Variants in BUD31 observed in about 807,000 individuals in gnomAD.
BUD31 encodes the protein BUD31 spliceosome associated protein, also known as protein BUD31 homolog.
BUD31 carries 9 observed loss-of-function variants against 17.9 expected under a neutral mutation model. The observed-to-expected ratio is 0.50, with a 90% CI of 0.30 to 0.88. The LOEUF is 0.88. Among genes scored for constraint, BUD31 ranks in the 40% least tolerant of loss-of-function variants. The pLI, the probability that BUD31 is intolerant of heterozygous loss-of-function variation, is 0.06. For synonymous variants in BUD31, 70 were observed against 64.7 expected (o/e 1.08, Z -0.39); for missense variants, 148 against 184.5 (o/e 0.80, Z 1.15).
intron 1 of BUD31, 145 bp downstream of exon 1, chr7:99,409,390 C>T (rs1351183013): frequency 6.6e-6 from 1 of 152,306 alleles, no homozygotes; most frequent in Non-Finnish European, 1.5e-5. Context: ...TCTTACACCT[C>T]CCGGCACATC....
At chr7:99,419,031 C>G (rs941728596) in intron 5 of BUD31, 1 of 281,860 alleles carries the variant, frequency 3.5e-6, no homozygotes, top group Non-Finnish European at 6.9e-6. Context: ...AGAGGCCCCC[C>G]TGAAGTCCCC....
In BUD31 at chr7:99,419,468, G is replaced by A. The variant is rs1795698321; in HGVS notation, c.*27G>A. ...GCTGGCGCGCTCCACCCTGGACTCT[G>A]GACTTCGCAGGTTCCTGCCTGTCAC... On this transcript the variant is annotated 3_prime_UTR_variant, in exon 6 of 6. Transcript: ENST00000222969. 6.2e-7 allele frequency: 1 copy of A among 1,608,776 alleles called. No homozygotes were observed.
At chr7:99,410,772 C>G (rs17161726) in intron 2 of BUD31, among the ~76,000 whole-genome samples, 11,493 of 152,246 alleles carry the variant, frequency 0.075, 635 homozygotes, top group African/African-American at 0.16. Context: ...CATTATACAC[C>G]AGGCATGATA....
chr7:99,419,104 G>T (rs558811726), intron 5 of BUD31: 5 of 483,412 alleles, frequency 1.0e-5, no homozygotes, highest in Non-Finnish European at 1.9e-5. Context: ...GCAGAATAAC[G>T]AGACTCATTC....
chr7:99,417,065 C>CTT (rs1003967626), intron 4 of BUD31: 38 of 208,970 alleles, frequency 1.8e-4, no homozygotes, highest in South Asian at 4.5e-4. Context: ...TACTGAATGC[C>CTT]TTTTTTTTTT....
In BUD31 at chr7:99,413,343, C is replaced by T. The variant is rs180872081; in HGVS notation, c.94+2157C>T. 6.8e-4 allele frequency among the ~76,000 whole-genome samples: 103 copies of T among 152,280 alleles called. 2 individuals are homozygous for T. The highest frequency in any genetic ancestry group is 2.2e-3 in the Admixed American group (34 of 15,296). ...TGCCTTGCGGCAAGTATGAGTGCCA[C>T]CTGATCCTGCGTGTGTTGAAGGAGC... On this transcript the variant is annotated intron_variant, in intron 3 of 5. Coordinates refer to ENST00000222969, the MANE Select transcript of BUD31 (RefSeq NM_003910.4).
intron 5 of BUD31, chr7:99,418,986 T>C: frequency 4.4e-6 from 1 of 228,620 alleles, no homozygotes; most frequent in Non-Finnish European, 8.8e-6. Flanking sequence ...GTGCATAGTC[T>C]CCTGCCCTCT....
At chr7:99,409,553 C>T (rs1380213946) in intron 1 of BUD31, among the ~76,000 whole-genome samples, 1 of 152,138 alleles carries the variant, frequency 6.6e-6, no homozygotes, top group South Asian at 2.1e-4. Flanking sequence ...ATTCTCTTGT[C>T]ACAGACTATG....
rs1167963550 is a variant in BUD31, at chr7:99,417,949, A to G, written c.384+354A>G. 4.9e-6 allele frequency: 6 copies of G among 1,226,738 alleles called. No homozygotes were observed. The Admixed American group carries it at 2.3e-4, about 46-fold the overall frequency. 76.0% of individuals were successfully genotyped at this position (1,226,738 alleles called of 1,614,324 possible). On this transcript the variant is annotated intron_variant, in intron 5 of 5. Transcript: ENST00000222969. Reference sequence around the variant, plus strand: ...TGTCCCTTTCAGTCCTCACAGTGATACTTTAACATTACCATCACTATCTTT... The same window carrying G: ...TGTCCCTTTCAGTCCTCACAGTGATGCTTTAACATTACCATCACTATCTTT...
intron 3 of BUD31, among the ~76,000 whole-genome samples, chr7:99,414,238 C>G (rs1489916527): frequency 6.6e-6 from 1 of 151,056 alleles, no homozygotes; most frequent in African/African-American, 2.4e-5. Flanking sequence ...CTCCCGAGTT[C>G]AGGCAATTCT....
At chr7:99,414,461 G>A (rs779010913) in intron 3 of BUD31, among the ~76,000 whole-genome samples, 2 of 152,174 alleles carry the variant, frequency 1.3e-5, no homozygotes, top group Non-Finnish European at 2.9e-5. Flanking sequence ...ATCATATACT[G>A]TAAAAGTGAA....
chr7:99,415,896 TATTC>T (rs1463024376), intron 3 of BUD31, among the ~76,000 whole-genome samples: 1 of 152,190 alleles, frequency 6.6e-6, no homozygotes, highest in African/African-American at 2.4e-5. Flanking sequence ...GGATTAATGA[TATTC>T]ATATATAATC....
chr7:99,419,520 C>G lies in BUD31; in HGVS notation c.*79C>G, dbSNP rs528799558. 3.9e-6 allele frequency: 6 copies of G among 1,538,300 alleles called. No homozygotes were observed. In the East Asian group the frequency reaches 9.0e-5, roughly 23 times the overall value. ...CCACCCCCTTCCTGGGAGCAGCGAG[C>G]AGTGCCCCAGGCCCGAGTTGGAGCA... is the stretch of plus-strand genomic sequence containing the variant. On this transcript the variant is annotated 3_prime_UTR_variant, in exon 6 of 6. Coordinates refer to ENST00000222969, the MANE Select transcript of BUD31 (RefSeq NM_003910.4).
rs1441048402 is a variant in BUD31 at position 99,410,176 on chromosome 7, T to C, written c.-30+7T>C. On this transcript the variant is annotated splice_region_variant and intron_variant, in intron 2 of 5. Coordinates refer to ENST00000222969, the MANE Select transcript of BUD31 (RefSeq NM_003910.4). Reference sequence around the variant, plus strand: ...TTGGAAAGCACATCCTAAGGTACTTTGATTTTACAGTCATCTTTCCCTTTT... The same window carrying C: ...TTGGAAAGCACATCCTAAGGTACTTCGATTTTACAGTCATCTTTCCCTTTT... The C allele has an allele frequency of 6.6e-6, 1 of 152,158 alleles. No homozygotes were observed. The highest frequency in any genetic ancestry group is 1.5e-5 in the Non-Finnish European group (1 of 68,050). 9.4% of individuals were successfully genotyped at this position (152,158 alleles called of 1,614,324 possible). A position where few individuals can be genotyped will look rare whatever the true frequency, so the allele number is the denominator to read the frequency against.
At chr7:99,417,119 C>T (rs1049027532) in intron 4 of BUD31, 3 of 279,864 alleles carry the variant, frequency 1.1e-5, no homozygotes, top group Non-Finnish European at 2.1e-5. Flanking sequence ...TCCAGTGGCA[C>T]GACCTCAGGT....
intron 3 of BUD31, among the ~76,000 whole-genome samples, chr7:99,412,293 G>A (rs974905551): frequency 3.3e-5 from 5 of 152,196 alleles, no homozygotes; most frequent in Non-Finnish European, 5.9e-5. Context: ...GAGCATGCTG[G>A]AATAGAAGAG....
At position 99,416,278 on chromosome 7, in the gene BUD31, C is replaced by T; in HGVS notation, c.217+18C>T. ...CAGCAGAGGTAATTAGTCAGTCTCT[C>T]TTGGACTTTGAAGCTCGCGTCACTT... On this transcript the variant is annotated intron_variant, in intron 4 of 5. Transcript: ENST00000222969. 1 of 1,606,976 alleles carries T rather than the reference C, an allele frequency of 6.2e-7. No individual in the cohort carries two copies. Among genetic ancestry groups the T allele is most frequent in the South Asian group, 1.1e-5 (1 of 90,792 alleles).
At chr7:99,411,707 T>C in intron 3 of BUD31, 1 of 456,018 alleles carries the variant, frequency 2.2e-6, no homozygotes, top group South Asian at 1.5e-5. Context: ...AATTGACTTT[T>C]TTATTTTTAT....
intron 4 of BUD31, 162 bp from the exon 5 acceptor site, chr7:99,417,267 G>C (rs1795545135): frequency 3.2e-6 from 2 of 633,798 alleles, no homozygotes; most frequent in Non-Finnish European, 5.5e-6. Context: ...TGGCCGGGCT[G>C]GTCCTGAACT....
Sources: gnomAD v4.1 joint callset for allele counts (sites outside exome capture counted in the v4.1 genomes callset) on GRCh38, gnomAD v4.1.1 for gene constraint, MANE v1.5 for transcripts, NCBI Gene and HGNC (gene_info 2026-07-23, HGNC 2026-07-21) for gene names.